CCDC180: variants seen among roughly 807,000 people sequenced by gnomAD.
CCDC180 encodes coiled-coil domain containing 180, also known as coiled-coil domain-containing protein 180.
Under a neutral mutation model 209.2 loss-of-function variants are expected in CCDC180, and 154 were observed. The ratio of observed to expected loss-of-function variants is 0.74; its 90% confidence interval spans 0.65 to 0.84. The LOEUF (loss-of-function observed/expected upper bound fraction) is 0.84. CCDC180 is among the 40% of genes least tolerant of loss of function. The pLI, the probability that CCDC180 is intolerant of heterozygous loss-of-function variation, is 0.00. For synonymous variants in CCDC180, 778 were observed against 749.1 expected, an observed-to-expected ratio of 1.04 and a Z score of -0.63; for missense variants, 1,874 against 1,997.3, an observed-to-expected ratio of 0.94 and a Z score of 1.18.
intron 19 of CCDC180, among the ~76,000 whole-genome samples, chr9:97,345,205 A>G (rs34954690): frequency 0.2 from 30,638 of 152,202 alleles, 3,400 homozygotes; most frequent in East Asian, 0.39. Flanking sequence ...TTTCTGTTAC[A>G]TATAGAACTA....
At position 97,323,865 on chromosome 9, in the gene CCDC180, C is replaced by T; in HGVS notation, c.1333C>T (p.Leu445Phe). The T allele has an allele frequency of 6.4e-7, 1 of 1,555,160 alleles. No individual in the cohort carries two copies. Among genetic ancestry groups the T allele is most frequent in the Non-Finnish European group, 8.7e-7 (1 of 1,148,886 alleles). Residue 445 changes from leucine to phenylalanine, a missense_variant, in exon 13 of 37, where the codon CTC (leucine) becomes TTC (phenylalanine). Transcript: ENST00000529487. The stretch of plus-strand genomic sequence containing the variant: ...GTTCTTCTTCCAGATGGTGGGAGCA[C>T]TCCAGGGCAAAGTGGAGGAGGACCT... ...NQFFFQMVGALQGKVEEDLEL... is the reference protein window; with the variant it reads ...NQFFFQMVGAFQGKVEEDLEL...
chr9:97,358,544 A>G (rs983219350), intron 25 of CCDC180, among the ~76,000 whole-genome samples: 3 of 152,142 alleles, frequency 2.0e-5, no homozygotes, highest in Admixed American at 1.3e-4. Flanking sequence ...TGATCCTCAG[A>G]GCAGGTCTCT....
At chr9:97,343,222 G>A (rs906936894) in intron 18 of CCDC180, 118 bp from the exon 19 acceptor site, 3 of 596,382 alleles carry the variant, frequency 5.0e-6, no homozygotes, top group African/African-American at 1.9e-5. Flanking sequence ...GGCAAGATTC[G>A]GCCCATAATC....
chr9:97,371,469 T>G (rs1827098403), intron 33 of CCDC180, 126 bp from the exon 34 acceptor site: 4 of 530,294 alleles, frequency 7.5e-6, no homozygotes, highest in Middle Eastern at 4.9e-4. Flanking sequence ...GCTGGTTACT[T>G]GGACACAGTG....
intron 3 of CCDC180, among the ~76,000 whole-genome samples, chr9:97,310,667 G>T (rs898984524): frequency 6.6e-6 from 1 of 152,104 alleles, no homozygotes; most frequent in African/African-American, 2.4e-5. Flanking sequence ...TGCCTGTCTT[G>T]GTTGTTCCTT....
chr9:97,321,671 C>T (rs4237189), intron 11 of CCDC180, among the ~76,000 whole-genome samples: 4 of 152,046 alleles, frequency 2.6e-5, no homozygotes, highest in Admixed American at 6.5e-5. Context: ...CTCTGCCCTC[C>T]GGCACTTCCA....
At position 97,330,686 on chromosome 9, in the gene CCDC180, A is replaced by AGAGAAG. The variant is rs1554728834; in HGVS notation, c.2196_2197insAAGGAG (p.Glu732_Glu733insLysGlu). On this transcript the variant is annotated inframe_insertion, in exon 18 of 37. Coordinates refer to ENST00000529487, the MANE Select transcript of CCDC180 (RefSeq NM_020893.6). ...CAGAGGAGGAAGATGAGAAGGAGGAAGAGGAGGAGGAGGAGAAGCTGGAGG... is the reference window on the plus strand; with the variant it reads ...CAGAGGAGGAAGATGAGAAGGAGGAAGAGAAGGAGGAGGAGGAGGAGAAGCTGGAGG... 5.0e-6 allele frequency: 8 copies of AGAGAAG among 1,586,246 alleles called. No individual in the cohort carries two copies. In the African/African-American group the frequency reaches 9.6e-5, roughly 19 times the overall value.
intron 34 of CCDC180, 21 bp downstream of exon 34, chr9:97,371,727 T>A: frequency 6.6e-7 from 1 of 1,522,482 alleles, no homozygotes; most frequent in Non-Finnish European, 9.1e-7. Context: ...CCACCAGCCT[T>A]GTGTCATGGC....
intron 10 of CCDC180, among the ~76,000 whole-genome samples, chr9:97,319,243 A>ACATT (rs1469315046): frequency 1.3e-5 from 2 of 152,332 alleles, no homozygotes; most frequent in East Asian, 3.9e-4. Context: ...ACCATGGCAC[A>ACATT]CATTACCTAT....
intron 22 of CCDC180, among the ~76,000 whole-genome samples, chr9:97,352,524 T>C (rs958306650): frequency 2.0e-5 from 3 of 152,304 alleles, no homozygotes; most frequent in Non-Finnish European, 4.4e-5. Context: ...AGGTGAACTT[T>C]AGAGAAAGCT....
rs750815385 is a variant in CCDC180, at chr9:97,362,392, A to G, written c.3853A>G (p.Asn1285Asp). The change falls in exon 28 of 37, where the codon AAC (asparagine) becomes GAC (aspartate). Residue 1285 changes from asparagine (N) to aspartate (D), a missense_variant. Asn to Asp is a conservative substitution (Grantham distance 23, BLOSUM62 1). Coordinates refer to ENST00000529487, the MANE Select transcript of CCDC180 (RefSeq NM_020893.6). ...CAAGCGACATCGGTGCCAGCCAGAA[A>G]ACTCTGGGAAGAAGGCTGTACCCAG... ...GFKRHRCQPENSGKKAVPSAS... is the reference protein window; with the variant it reads ...GFKRHRCQPEDSGKKAVPSAS... The G allele has an allele frequency of 6.2e-7, 1 of 1,614,108 alleles. No individual in the cohort carries two copies.
intron 19 of CCDC180, among the ~76,000 whole-genome samples, chr9:97,346,086 A>G (rs1195810879): frequency 1.3e-5 from 2 of 152,166 alleles, no homozygotes; most frequent in East Asian, 1.9e-4. Context: ...TCTTTCCCAT[A>G]CAGATAACCA....
intron 18 of CCDC180, among the ~76,000 whole-genome samples, chr9:97,337,003 A>G (rs879900082): frequency 2.6e-5 from 4 of 152,146 alleles, no homozygotes; most frequent in Non-Finnish European, 4.4e-5. Context: ...TGATTTTTGT[A>G]CATTGATTTT....
intron 13 of CCDC180, 134 bp downstream of exon 13, chr9:97,324,037 C>T (rs1473184942): frequency 8.2e-6 from 9 of 1,093,436 alleles, no homozygotes; most frequent in Non-Finnish European, 9.0e-6. Context: ...GTCAGCCCCT[C>T]TCAGAGTAGC....
chr9:97,308,012 C>G lies in CCDC180; in HGVS notation c.-52C>G, dbSNP rs577536676. The G allele has an allele frequency of 2.5e-6, 4 of 1,608,984 alleles. No individual in the cohort carries two copies. The African/African-American group carries it at 5.3e-5, about 21-fold the overall frequency. ...TGGAATTGAGACACCAAAGCCTAGA[C>G]GCGTTTCCTGGACGACGGCTTCCCG... On this transcript the variant is annotated 5_prime_UTR_variant, in exon 2 of 37. Transcript: ENST00000529487.
chr9:97,371,315 G>T (rs1827095947), intron 33 of CCDC180: 2 of 266,332 alleles, frequency 7.5e-6, no homozygotes, highest in Admixed American at 4.9e-5. Flanking sequence ...AATTACTGAC[G>T]ATAACTTTTA....
Position 97,307,824 on chromosome 9 carries a change from G to A in CCDC180, c.-82+18G>A. 6.2e-7 allele frequency: 1 copy of A among 1,613,990 alleles called. No individual in the cohort carries two copies. The highest frequency in any genetic ancestry group is 8.5e-7 in the Non-Finnish European group (1 of 1,179,948). ...CATCTGAGGTTAGTTTCATCGTTTC[G>A]TTGAAAGTTAAAACCCTAAGTCGAC... On this transcript the variant is annotated intron_variant, in intron 1 of 36. Coordinates refer to ENST00000529487, the MANE Select transcript of CCDC180 (RefSeq NM_020893.6).
rs776012864 is a variant in CCDC180 at position 97,308,068 on chromosome 9, C to T, written c.5C>T (p.Ser2Leu). ...GGCATCCAGCCAGCGGCCAAGATGT[C>T]GTCAGTGGGGAAGGTGACCCAGGTT... is the stretch of plus-strand genomic sequence containing the variant. MSSVGKVTQVPN... is the reference protein window; with the variant it reads MLSVGKVTQVPN... Residue 2 changes from serine (S) to leucine (L), a missense_variant, in exon 2 of 37, where the codon TCG becomes TTG. Transcript: ENST00000529487. 1 of 1,613,666 alleles carries T rather than the reference C, an allele frequency of 6.2e-7. No homozygotes were observed. The highest frequency in any genetic ancestry group is 8.5e-7 in the Non-Finnish European group (1 of 1,179,780).
intron 16 of CCDC180, among the ~76,000 whole-genome samples, chr9:97,329,354 A>C (rs1825658216): frequency 6.6e-6 from 1 of 152,240 alleles, no homozygotes; most frequent in Admixed American, 6.5e-5. Flanking sequence ...CTGGGAATCA[A>C]ATCCAGACCT....
Sources: allele counts gnomAD v4.1 joint callset (sites outside exome capture counted in the v4.1 genomes callset), GRCh38; gene constraint gnomAD v4.1.1; transcripts MANE v1.5; gene names NCBI Gene and HGNC (gene_info 2026-07-23, HGNC 2026-07-21).